Variants in GABRB3 observed in about 807,000 individuals in gnomAD.
GABRB3 encodes gamma-aminobutyric acid type A receptor subunit beta3, also known as gamma-aminobutyric acid receptor subunit beta-3.
GABRB3 carries 14 observed loss-of-function variants against 52.1 expected under a neutral mutation model. The observed-to-expected ratio is 0.27, with a 90% CI of 0.18 to 0.42. The LOEUF (loss-of-function observed/expected upper bound fraction) is 0.42, where lower values mean the gene tolerates loss of function less well. Among genes scored for constraint, GABRB3 ranks in the 10% least tolerant of loss-of-function variants. The pLI is 1.00. For missense variants in GABRB3, 307 were observed against 609.1 expected, an observed-to-expected ratio of 0.50 and a Z score of 5.22; for synonymous variants, 260 against 232.3, an observed-to-expected ratio of 1.12 and a Z score of -1.08.
intron 3 of GABRB3, among the ~76,000 whole-genome samples, chr15:26,679,010 C>T (rs1888155690): frequency 6.6e-6 from 1 of 152,122 alleles, no homozygotes; most frequent in South Asian, 2.1e-4. Flanking sequence ...GGGCAGGGTC[C>T]CTCTAGGCAG....
rs535886895 is a variant in GABRB3 at position 26,642,430 on chromosome 15, T to C, written c.241-20896A>G. The C allele has an allele frequency of 2.9e-4, 371 of 1,270,592 alleles. 1 individual carries two copies. The African/African-American group carries it at 4.9e-3, about 17-fold the overall frequency. 78.7% of individuals were successfully genotyped at this position (1,270,592 alleles called of 1,614,324 possible). A position where few individuals can be genotyped will look rare whatever the true frequency, so the allele number is the denominator to read the frequency against. On this transcript the variant is annotated intron_variant, in intron 3 of 8. Coordinates refer to ENST00000311550, the MANE Select transcript of GABRB3 (RefSeq NM_000814.6). ...GCAACTGTGTATATATATGTATACA[T>C]ACATTTTCAATTCCAAACTCCTGGA...
chr15:26,689,449 T>C (rs564811527), intron 3 of GABRB3, among the ~76,000 whole-genome samples: 79 of 152,266 alleles, frequency 5.2e-4, no homozygotes, highest in African/African-American at 1.8e-3. Context: ...CTGGAGTTTA[T>C]GCAGAGTGAG....
intron 3 of GABRB3, among the ~76,000 whole-genome samples, chr15:26,733,003 GA>G (rs35917518): frequency 0.47 from 68,935 of 146,510 alleles, 17,787 homozygotes; most frequent in African/African-American, 0.72. Context: ...GTCTCTAATA[GA>G]AAAAAAAAAA....
chr15:26,741,929 T>C (rs1361548301), intron 3 of GABRB3, among the ~76,000 whole-genome samples: 1 of 152,210 alleles, frequency 6.6e-6, no homozygotes, highest in Non-Finnish European at 1.5e-5. Flanking sequence ...TTAACCAGCC[T>C]TTCCTACTAT....
intron 3 of GABRB3, among the ~76,000 whole-genome samples, chr15:26,666,168 G>A (rs1887704697): frequency 6.6e-6 from 1 of 152,166 alleles, no homozygotes; most frequent in Non-Finnish European, 1.5e-5. Flanking sequence ...CCAGCCAAGT[G>A]TGATGCTATT....
intron 3 of GABRB3, among the ~76,000 whole-genome samples, chr15:26,747,566 C>T (rs376156570): frequency 2.6e-5 from 4 of 152,166 alleles, no homozygotes; most frequent in Middle Eastern, 3.4e-3. Flanking sequence ...TGTGTTGATC[C>T]TGTATCCAGT....
intron 4 of GABRB3, chr15:26,613,589 C>T (rs2140521985): frequency 6.6e-6 from 1 of 152,112 alleles, no homozygotes; most frequent in African/African-American, 2.4e-5. Context: ...AGTTAACTCT[C>T]ATGCCATACT....
chr15:26,711,238 T>G (rs925103504), intron 3 of GABRB3, among the ~76,000 whole-genome samples: 10 of 152,328 alleles, frequency 6.6e-5, no homozygotes, highest in Admixed American at 2.6e-4. Flanking sequence ...CATTGTCATA[T>G]GGCAAAGAAC....
At position 26,727,089 on chromosome 15, in the gene GABRB3, G is replaced by A. The variant is rs566734704; in HGVS notation, c.240+45313C>T. On this transcript the variant is annotated intron_variant, in intron 3 of 8. Transcript: ENST00000311550. ...CAGGAGAATTGATTGAACCTAGGAG[G>A]TGGAGGTTGCAGTGAGTTGAGATCG... is the stretch of plus-strand genomic sequence containing the variant. Among the ~76,000 whole-genome samples the A allele has an allele frequency of 2.6e-5, 4 of 152,304 alleles. No homozygotes were observed. The East Asian group carries it at 7.7e-4, about 29-fold the overall frequency.
intron 4 of GABRB3, among the ~76,000 whole-genome samples, chr15:26,604,277 C>T (rs1212047778): frequency 6.6e-6 from 1 of 151,844 alleles, no homozygotes; most frequent in Non-Finnish European, 1.5e-5. Context: ...GGACACAAAA[C>T]AATGAAAAGG....
At chr15:26,687,001 T>A (rs1888428032) in intron 3 of GABRB3, among the ~76,000 whole-genome samples, 1 of 152,244 alleles carries the variant, frequency 6.6e-6, no homozygotes, top group Non-Finnish European at 1.5e-5. Flanking sequence ...CCAGCTCTGG[T>A]GCACCATGGG....
intron 3 of GABRB3, among the ~76,000 whole-genome samples, chr15:26,735,503 T>C (rs1345265886): frequency 6.6e-6 from 1 of 152,184 alleles, no homozygotes; most frequent in Non-Finnish European, 1.5e-5. Flanking sequence ...ATAGCTAAAA[T>C]GTAGAAGTGA....
Position 26,586,397 on chromosome 15 carries a change from A to AACACACACACACACACACACACAC in GABRB3, c.462-3007_462-2984dup, listed in dbSNP as rs56386894. 4.4e-3 allele frequency among the ~76,000 whole-genome samples: 603 copies of AACACACACACACACACACACACAC among 138,066 alleles called. 11 individuals carry two copies. The highest frequency in any genetic ancestry group is 6.5e-3 in the African/African-American group (238 of 36,534). 90.6% of individuals were successfully genotyped at this position (138,066 alleles called of 152,430 possible). On this transcript the variant is annotated intron_variant, in intron 4 of 8. Coordinates refer to ENST00000311550, the MANE Select transcript of GABRB3 (RefSeq NM_000814.6). ...CTTATTCACTTTTCAAACCACCCCT[A>AACACACACACACACACACACACAC]ACACACACACACACACACACACACA...
intron 3 of GABRB3, among the ~76,000 whole-genome samples, chr15:26,717,303 C>A (rs1017981217): frequency 1.3e-5 from 2 of 149,610 alleles, no homozygotes; most frequent in Middle Eastern, 3.6e-3. Flanking sequence ...CTCTGGGGAC[C>A]TCCATCCTAT....
At position 26,704,143 on chromosome 15, in the gene GABRB3, C is replaced by T. The variant is rs1889023248; in HGVS notation, c.240+68259G>A. 2.6e-5 allele frequency among the ~76,000 whole-genome samples: 4 copies of T among 152,300 alleles called. No individual in the cohort carries two copies. In the South Asian group the frequency reaches 8.3e-4, roughly 32 times the overall value. On this transcript the variant is annotated intron_variant, in intron 3 of 8. Transcript: ENST00000311550. ...ACCACAGCTCTTGCATTCTGTGCAC[C>T]CACAGAATCAGTACTAAGGGTACAC...
chr15:26,747,107 T>C (rs967046908), intron 3 of GABRB3, among the ~76,000 whole-genome samples: 7 of 152,228 alleles, frequency 4.6e-5, no homozygotes, highest in Admixed American at 1.3e-4. Flanking sequence ...AGCGTAACCA[T>C]TGTGCAGAAT....
In GABRB3 at chr15:26,655,336, A is replaced by G. The variant is rs140548991; in HGVS notation, c.241-33802T>C. On this transcript the variant is annotated intron_variant, in intron 3 of 8. Transcript: ENST00000311550. Reference sequence around the variant, plus strand: ...CCCACCTCCCTTTTAACTGTTGTAAATAACATAATGATGAACACCTCCATA... The same window carrying G: ...CCCACCTCCCTTTTAACTGTTGTAAGTAACATAATGATGAACACCTCCATA... 1.2e-3 allele frequency among the ~76,000 whole-genome samples: 184 copies of G among 152,318 alleles called. 4 individuals carry two copies. The highest frequency in any genetic ancestry group is 4.2e-3 in the African/African-American group (174 of 41,564).
chr15:26,562,630 C>G (rs1288413166), intron 7 of GABRB3, among the ~76,000 whole-genome samples: 2 of 152,206 alleles, frequency 1.3e-5, no homozygotes, highest in African/African-American at 4.8e-5. Flanking sequence ...CAATTTCATG[C>G]CCTCTGATTT....
At chr15:26,767,522 G>A (rs540368281) in intron 3 of GABRB3, among the ~76,000 whole-genome samples, 20 of 152,148 alleles carry the variant, frequency 1.3e-4, no homozygotes, top group Non-Finnish European at 2.5e-4. Flanking sequence ...GGAAACCTCC[G>A]ACTGAATTCC....
Sources: allele counts gnomAD v4.1 joint callset (sites outside exome capture counted in the v4.1 genomes callset), GRCh38; gene constraint gnomAD v4.1.1; transcripts MANE v1.5; gene names NCBI Gene and HGNC (gene_info 2026-07-23, HGNC 2026-07-21).